The following APOB variants were observed in gnomAD, a reference collection of about 807,000 sequenced individuals.
APOB encodes apolipoprotein B-100.
A neutral mutation model predicts 314.1 loss-of-function variants in APOB; 153 were observed. The ratio of observed to expected loss-of-function variants is 0.49; its 90% CI spans 0.43 to 0.56. The LOEUF is 0.56. APOB is among the 20% of genes least tolerant of loss of function. APOB has a pLI of 0.00. For synonymous variants in APOB, 2,087 were observed against 2,036.4 expected (o/e 1.02, Z -0.67); for missense variants, 5,430 against 5,350.7 (o/e 1.01, Z -0.46).
At position 21,022,112 on chromosome 2, in the gene APOB, C is replaced by T. The variant is rs111825526; in HGVS notation, c.2816+719G>A. ...CTGGAGCTACAGGCATGTGCCACCA[C>T]GACTGGCTAATTTTGTTATTTATTT... On this transcript the variant is annotated intron_variant, in intron 18 of 28. Coordinates refer to ENST00000233242, the MANE Select transcript of APOB (RefSeq NM_000384.3). 7.4e-3 allele frequency among the ~76,000 whole-genome samples: 1,126 copies of T among 152,174 alleles called. 13 individuals carry two copies. The highest frequency in any genetic ancestry group is 0.026 in the African/African-American group (1,065 of 41,504).
At position 21,028,412 on chromosome 2, in the gene APOB, G is replaced by A. The variant is rs1319548654; in HGVS notation, c.1744C>T (p.Pro582Ser). 1 of 1,614,128 alleles carries A rather than the reference G, an allele frequency of 6.2e-7. No individual in the cohort carries two copies. The highest frequency in any genetic ancestry group is 8.5e-7 in the Non-Finnish European group (1 of 1,179,988). Reference sequence around the variant, plus strand: ...TTCACTTGCTCATTCTGTTCCCATGGTAGAATTTGGACAATTTTGTTAATA... The same window carrying A: ...TTCACTTGCTCATTCTGTTCCCATGATAGAATTTGGACAATTTTGTTAATA... Reference protein sequence around the residue: ...ADINKIVQILPWEQNEQVKNF... With the variant: ...ADINKIVQILSWEQNEQVKNF... The change falls in exon 13 of 29, where the codon CCA becomes TCA. Residue 582 changes from proline to serine, a missense_variant. This residue lies in a region of APOB where 2,085 missense variants were observed against 2,079.7 expected (regional missense o/e 1.00). Coordinates refer to ENST00000233242, the MANE Select transcript of APOB (RefSeq NM_000384.3).
intron 28 of APOB, 66 bp downstream of exon 28, chr2:21,004,203 T>C (rs1663065694): frequency 6.4e-7 from 1 of 1,561,480 alleles, no homozygotes; most frequent in African/African-American, 1.4e-5. Context: ...TGGTCCTGAA[T>C]TAAATGTATC....
Position 21,002,092 on chromosome 2 carries a change from G to A in APOB, c.13330C>T (p.Leu4444=). 1 of 1,613,944 alleles carries A rather than the reference G, an allele frequency of 6.2e-7. No homozygotes were observed. Among genetic ancestry groups the A allele is most frequent in the South Asian group, 1.1e-5 (1 of 91,066 alleles). The change falls in exon 29 of 29, where the codon CTG becomes TTG. Residue 4444 remains leucine, a synonymous_variant. Transcript: ENST00000233242. ...AGATATTCCTGAATATTTCTGTGCA[G>A]AAATTGCTCAACTTGACTTGAGAGT... ...SQLSSQVEQF[L]HRNIQEYLSI...
intron 18 of APOB, among the ~76,000 whole-genome samples, chr2:21,021,928 C>A (rs187011097): frequency 6.6e-6 from 1 of 152,128 alleles, no homozygotes; most frequent in African/African-American, 2.4e-5. Context: ...ACTCAACATA[C>A]GTGGTATATA....
In APOB at chr2:21,022,812, A is replaced by G; in HGVS notation, c.2816+19T>C. On this transcript the variant is annotated intron_variant, in intron 18 of 28. Coordinates refer to ENST00000233242, the MANE Select transcript of APOB (RefSeq NM_000384.3). ...TCTCTCTTTCAAACTGGCTAGGCAG[A>G]CTTGGCTGAAAGAATTACCCTCCAC... 2 of 1,612,376 alleles carry G rather than the reference A, an allele frequency of 1.2e-6. No individual in the cohort carries two copies. The highest frequency in any genetic ancestry group is 1.7e-6 in the Non-Finnish European group (2 of 1,178,568).
At chr2:21,043,794 G>A in intron 1 of APOB, 70 bp downstream of exon 1, 1 of 1,523,538 alleles carries the variant, frequency 6.6e-7, no homozygotes, top group South Asian at 1.2e-5. Flanking sequence ...GGCCCAGGCT[G>A]CCCCGGCCAA....
Position 21,011,808 on chromosome 2 carries a change from T to C in APOB, c.5060A>G (p.Asn1687Ser). The C allele has an allele frequency of 6.2e-7, 1 of 1,614,094 alleles. No individual in the cohort carries two copies. The highest frequency in any genetic ancestry group is 8.5e-7 in the Non-Finnish European group (1 of 1,179,994). The stretch of plus-strand genomic sequence containing the variant: ...TGCATTGTGTTCCCTGAAGCGGCCA[T>C]TTGTTGTTAATTTCATAGATGCCCC... ...LSGASMKLTT[N>S]GRFREHNAKF... The change falls in exon 26 of 29, where the codon AAT (asparagine) becomes AGT (serine). Residue 1687 changes from asparagine (N) to serine (S), a missense_variant. Physicochemically the swap from Asn to Ser is conservative, Grantham distance 46 (BLOSUM62 1). Coordinates refer to ENST00000233242, the MANE Select transcript of APOB (RefSeq NM_000384.3).
In APOB at chr2:21,004,407, G is replaced by A. The variant is rs972043804; in HGVS notation, c.11949C>T (p.Phe3983=). 5.6e-6 allele frequency: 9 copies of A among 1,613,932 alleles called. No individual in the cohort carries two copies. In the Admixed American group the frequency reaches 1.2e-4, roughly 21 times the overall value. Residue 3983 remains phenylalanine (F), a synonymous_variant, in exon 28 of 29, where the codon TTC becomes TTT. Coordinates refer to ENST00000233242, the MANE Select transcript of APOB (RefSeq NM_000384.3). ...KAHLNIKSPA[F]TDLHLRYQKD... is the part of the protein sequence containing the mutation. ...TCTGGTAGCGCAGATGGAGATCGGTGAACGCTGGGCTTTTGATATTGAGGT... is the reference window on the plus strand; with the variant it reads ...TCTGGTAGCGCAGATGGAGATCGGTAAACGCTGGGCTTTTGATATTGAGGT...
rs1197798617 is a variant in APOB, at chr2:21,023,620, C to G, written c.2509G>C (p.Glu837Gln). The G allele has an allele frequency of 1.2e-6, 2 of 1,614,152 alleles. No homozygotes were observed. Among genetic ancestry groups the G allele is most frequent in the Admixed American group, 3.3e-5 (2 of 60,028 alleles). Reference protein sequence around the residue: ...LHYIFMENAFELPTGAGLQLQ... With the variant: ...LHYIFMENAFQLPTGAGLQLQ... ...TGTAATCCAGCTCCAGTGGGGAGTT[C>G]AAAGGCATTCTCCATGAAGATGTAG... is the stretch of plus-strand genomic sequence containing the variant. Residue 837 changes from glutamate to glutamine, a missense_variant, in exon 17 of 29, where the codon GAA becomes CAA. Physicochemically the swap from Glu to Gln is conservative, Grantham distance 29. This residue lies in a region of APOB where 2,085 missense variants were observed against 2,079.7 expected (regional missense o/e 1.00). Transcript: ENST00000233242.
rs766178148 is a variant in APOB at position 21,005,894 on chromosome 2, G to A, written c.10974C>T (p.His3658=). ...VELSNDQEKA[H]LDIAGSLEGH... is the part of the protein sequence containing the mutation. ...CTTCTAAGGATCCTGCAATGTCAAG[G>A]TGTGCCTTTTCTTGGTCATTGGAAA... Residue 3658 remains histidine, a synonymous_variant, in exon 26 of 29, where the codon CAC becomes CAT. Coordinates refer to ENST00000233242, the MANE Select transcript of APOB (RefSeq NM_000384.3). 5.6e-6 allele frequency: 9 copies of A among 1,613,848 alleles called. No individual in the cohort carries two copies. Among genetic ancestry groups the A allele is most frequent in the Non-Finnish European group, 7.6e-6 (9 of 1,179,964 alleles).
chr2:21,006,778 C>T lies in APOB; in HGVS notation c.10090G>A (p.Ala3364Thr). 3 of 1,614,040 alleles carry T rather than the reference C, an allele frequency of 1.9e-6. No homozygotes were observed. The highest frequency in any genetic ancestry group is 2.5e-6 in the Non-Finnish European group (3 of 1,179,962). The change falls in exon 26 of 29, where the codon GCT (alanine) becomes ACT (threonine). Residue 3364 changes from alanine to threonine, a missense_variant. Transcript: ENST00000233242. ...GATGAAGATGAAGAAAGGAGATGAGCAACAATATCTGACTGGTTAAAAAGT... is the reference window on the plus strand; with the variant it reads ...GATGAAGATGAAGAAAGGAGATGAGTAACAATATCTGACTGGTTAAAAAGT... ...AELFNQSDIVAHLLSSSSSVI... is the reference protein window; with the variant it reads ...AELFNQSDIVTHLLSSSSSVI...
chr2:21,003,413 C>T, intron 28 of APOB, 79 bp from the exon 29 acceptor site: 4 of 1,253,606 alleles, frequency 3.2e-6, no homozygotes, highest in Non-Finnish European at 4.6e-6. Flanking sequence ...ACTTCATTAG[C>T]AGTTAAAAAT....
At chr2:21,024,809 ATC>A (rs1663691744) in intron 16 of APOB, 122 bp downstream of exon 16, 1 of 997,122 alleles carries the variant, frequency 1.0e-6, no homozygotes, top group Admixed American at 1.7e-5. Context: ...GCAAACCTCC[ATC>A]TCTGAAGAAA....
At position 21,032,207 on chromosome 2, in the gene APOB, A is replaced by G. The variant is rs554727096; in HGVS notation, c.1352+147T>C. The G allele has an allele frequency of 1.8e-4, 126 of 701,388 alleles. 1 individual carries two copies. In the African/African-American group the frequency reaches 2.0e-3, roughly 11 times the overall value. 43.4% of individuals were successfully genotyped at this position (701,388 alleles called of 1,614,324 possible). A position where few individuals can be genotyped will look rare whatever the true frequency, so the allele number is the denominator to read the frequency against. ...GTTTGCTGATTTCTTATTTCAAGTC[A>G]TTACCCCAAAAATGATCAAGAAAAA... On this transcript the variant is annotated intron_variant, in intron 10 of 28. Transcript: ENST00000233242.
At position 21,011,757 on chromosome 2, in the gene APOB, G is replaced by C. The variant is rs1161951658; in HGVS notation, c.5111C>G (p.Ala1704Gly). 1 of 1,614,008 alleles carries C rather than the reference G, an allele frequency of 6.2e-7. No homozygotes were observed. Among genetic ancestry groups the C allele is most frequent in the African/African-American group, 1.3e-5 (1 of 74,898 alleles). ...NAKFSLDGKAALTELSLGSAY... is the reference protein window; with the variant it reads ...NAKFSLDGKAGLTELSLGSAY... ...ACTTCCCAGTGATAGCTCTGTGAGG[G>C]CGGCTTTCCCATCCAGACTGAATTT... Residue 1704 changes from alanine (A) to glycine (G), a missense_variant, in exon 26 of 29, where the codon GCC becomes GGC. Around this residue, in one of 3 missense-constraint regions of APOB, gnomAD observed 2,085 missense variants for 2,079.7 expected, o/e 1.00. Transcript: ENST00000233242.
At chr2:21,020,571 C>A (rs541773803) in intron 18 of APOB, among the ~76,000 whole-genome samples, 1 of 152,318 alleles carries the variant, frequency 6.6e-6, no homozygotes, top group Non-Finnish European at 1.5e-5. Context: ...CATAGAGTTG[C>A]GCACTCATGA....
At chr2:21,004,231 C>A in intron 28 of APOB, 38 bp downstream of exon 28, 2 of 1,604,426 alleles carry the variant, frequency 1.2e-6, no homozygotes, top group African/African-American at 1.3e-5. Context: ...ATTCTCCACT[C>A]GCTCTTGGGG....
chr2:21,005,081 A>G lies in APOB; in HGVS notation c.11787T>C (p.Asn3929=), dbSNP rs1047501521. ...STVQFLEYEL[N]VLGTHKIEDG... ...GAGAGGAGGCAGGATATTTCTTACC[A>G]TTTAGTTCATATTCTAGGAACTGTA... Residue 3929 remains asparagine, a splice_region_variant and synonymous_variant, in exon 26 of 29, where the codon AAT becomes AAC. Coordinates refer to ENST00000233242, the MANE Select transcript of APOB (RefSeq NM_000384.3). The G allele has an allele frequency of 2.5e-5, 41 of 1,613,672 alleles. No homozygotes were observed. The highest frequency in any genetic ancestry group is 3.4e-5 in the Non-Finnish European group (40 of 1,179,816).
chr2:21,029,232 C>G lies in APOB; in HGVS notation c.1617+407G>C, dbSNP rs12720840. On this transcript the variant is annotated intron_variant, in intron 12 of 28. Coordinates refer to ENST00000233242, the MANE Select transcript of APOB (RefSeq NM_000384.3). Reference sequence around the variant, plus strand: ...TGCAAGGCTGAGGCAGGCGGATCACCTGAGGTCAGGAGCTCAAGACCAGCC... The same window carrying G: ...TGCAAGGCTGAGGCAGGCGGATCACGTGAGGTCAGGAGCTCAAGACCAGCC... 2.6e-3 allele frequency among the ~76,000 whole-genome samples: 389 copies of G among 152,308 alleles called. 4 individuals are homozygous for G. Among genetic ancestry groups the G allele is most frequent in the African/African-American group, 8.9e-3 (368 of 41,578 alleles).
Sources: allele counts gnomAD v4.1 joint callset (sites outside exome capture counted in the v4.1 genomes callset), GRCh38; gene constraint gnomAD v4.1.1; regional missense constraint gnomAD v4.1.1; transcripts MANE v1.5; gene names NCBI Gene and HGNC (gene_info 2026-07-23, HGNC 2026-07-21).